PTCD3: variants seen among roughly 807,000 people sequenced by gnomAD.
PTCD3 encodes the protein pentatricopeptide repeat domain 3, also known as small ribosomal subunit protein mS39.
In PTCD3, 89 loss-of-function variants were observed where a neutral mutation model predicts 101.9. The observed-to-expected ratio is 0.87, with a 90% CI of 0.74 to 1.04. PTCD3 has a LOEUF of 1.04. Ranked by LOEUF, PTCD3 falls within the 50% of genes least tolerant of loss-of-function variation. PTCD3 has a pLI of 0.00. For missense variants in PTCD3, 870 were observed against 828.2 expected (o/e 1.05, Z -0.62); for synonymous variants, 296 against 278.5 (o/e 1.06, Z -0.63).
chr2:86,134,945 T>C lies in PTCD3; in HGVS notation c.1736T>C (p.Ile579Thr), dbSNP rs573746603. 2.5e-6 allele frequency: 4 copies of C among 1,614,156 alleles called. No homozygotes were observed. In the East Asian group the frequency reaches 6.7e-5, roughly 27 times the overall value. ...QDWPATSLNC[I>T]AILFLRAGRT... ...TGGCCAGCCACCTCTCTCAACTGTA[T>C]AGCTATCCTCTTTTTAAGGGCTGGG... Residue 579 changes from isoleucine (I) to threonine (T), a missense_variant, in exon 21 of 24, where the codon ATA becomes ACA. Transcript: ENST00000254630.
In PTCD3 at chr2:86,127,144, G is replaced by GT; in HGVS notation, c.952-11dup. On this transcript the variant is annotated splice_polypyrimidine_tract_variant and intron_variant, in intron 12 of 23. Transcript: ENST00000254630. The stretch of plus-strand genomic sequence containing the variant: ...TACCCAGGCATGAAAGATACTTCTT[G>GT]TTTTTTATTCACCTAGGAGCTGCTA... 1 of 1,595,746 alleles carries GT rather than the reference G, an allele frequency of 6.3e-7. No individual in the cohort carries two copies. The highest frequency in any genetic ancestry group is 8.5e-7 in the Non-Finnish European group (1 of 1,171,724).
At chr2:86,135,726 T>C (rs1674573180) in intron 21 of PTCD3, 1 of 326,948 alleles carries the variant, frequency 3.1e-6, no homozygotes. Flanking sequence ...GCTAGTCAGC[T>C]ATCTCCAGGA....
In PTCD3 at chr2:86,133,213, A is replaced by T; in HGVS notation, c.1409A>T (p.Gln470Leu). The change falls in exon 18 of 24, where the codon CAA becomes CTA. Residue 470 changes from glutamine (Q) to leucine (L), a missense_variant. Physicochemically the swap from Gln to Leu is moderately radical, Grantham distance 113 (BLOSUM62 -2). Transcript: ENST00000254630. ...TTCGATTTGATTTGTCTAATGGAAC[A>T]AATTGATGTTACCTTGAAGTGGTAT... ...KFFDLICLME[Q>L]IDVTLKWYED... 6.2e-7 allele frequency: 1 copy of T among 1,614,126 alleles called. No homozygotes were observed. Among genetic ancestry groups the T allele is most frequent in the Non-Finnish European group, 8.5e-7 (1 of 1,180,008 alleles).
At chr2:86,136,584 C>CT (rs1674588275) in intron 22 of PTCD3, 22 bp downstream of exon 22, 1 of 1,606,096 alleles carries the variant, frequency 6.2e-7, no homozygotes, top group Non-Finnish European at 8.5e-7. Flanking sequence ...TCAGCCAGCT[C>CT]TCTTTGGGTA....
intron 5 of PTCD3, 79 bp from the exon 6 acceptor site, chr2:86,116,976 G>T: frequency 3.0e-6 from 2 of 672,670 alleles, no homozygotes; most frequent in South Asian, 1.8e-5. Flanking sequence ...TGTGAGGGGG[G>T]AGAAATTCTT....
At chr2:86,110,902 A>C (rs1051405887) in intron 3 of PTCD3, 20 of 737,096 alleles carry the variant, frequency 2.7e-5, no homozygotes, top group Non-Finnish European at 5.0e-5. Flanking sequence ...CAGGCCAGAG[A>C]GGACAGGCAA....
At chr2:86,121,723 G>A (rs978713495) in intron 8 of PTCD3, 129 bp downstream of exon 8, 4 of 528,568 alleles carry the variant, frequency 7.6e-6, no homozygotes, top group Middle Eastern at 8.7e-4. Context: ...TGTGTGGTAC[G>A]ATAGCCTTGA....
intron 14 of PTCD3, among the ~76,000 whole-genome samples, chr2:86,130,386 GCTTC>G (rs1483533710): frequency 6.6e-6 from 1 of 152,184 alleles, no homozygotes; most frequent in Non-Finnish European, 1.5e-5. Context: ...AGTAAGTCAG[GCTTC>G]ATGTGAAGAG....
At chr2:86,108,716 G>C in intron 3 of PTCD3, 180 bp downstream of exon 3, 1 of 520,458 alleles carries the variant, frequency 1.9e-6, no homozygotes, top group Non-Finnish European at 3.4e-6. Context: ...GGAGAATAGT[G>C]AGTGAATGAG....
chr2:86,134,848 G>T lies in PTCD3; in HGVS notation c.1639G>T (p.Ala547Ser), dbSNP rs1674554483. 1.9e-6 allele frequency: 3 copies of T among 1,613,914 alleles called. No individual in the cohort carries two copies. Among genetic ancestry groups the T allele is most frequent in the Admixed American group, 1.7e-5 (1 of 59,980 alleles). Residue 547 changes from alanine to serine, a missense_variant, in exon 21 of 24, where the codon GCA becomes TCA. By Grantham distance (99) the Ala-to-Ser change is moderately conservative (BLOSUM62 1). Transcript: ENST00000254630. ...RDKHPPELQV[A>S]FADCAADIKS... is the part of the protein sequence containing the mutation. ...CTCCTAAGCTTCTCAGCTTCAGGTG[G>T]CATTTGCTGACTGTGCTGCTGATAT...
At chr2:86,107,810 T>A (rs1485273823) in intron 1 of PTCD3, among the ~76,000 whole-genome samples, 1 of 152,240 alleles carries the variant, frequency 6.6e-6, no homozygotes, top group Non-Finnish European at 1.5e-5. Flanking sequence ...GGGCAGTATC[T>A]GTATAGAAGC....
Position 86,108,381 on chromosome 2 carries a change from G to A in PTCD3, c.136G>A (p.Val46Ile), listed in dbSNP as rs759577066. 1.4e-5 allele frequency: 22 copies of A among 1,608,740 alleles called. No individual in the cohort carries two copies. Among genetic ancestry groups the A allele is most frequent in the African/African-American group, 5.4e-5 (4 of 74,560 alleles). The change falls in exon 2 of 24, where the codon GTT becomes ATT. Residue 46 changes from valine to isoleucine, a missense_variant. Coordinates refer to ENST00000254630, the MANE Select transcript of PTCD3 (RefSeq NM_017952.6). The part of the protein sequence containing the change: ...FYSGSATLSK[V>I]EGTDVTGIEE... Reference sequence around the variant, plus strand: ...TTCTGGTAGTGCAACCCTCTCAAAGGTTGAAGGAACTGATGTAACAGGTAT... The same window carrying A: ...TTCTGGTAGTGCAACCCTCTCAAAGATTGAAGGAACTGATGTAACAGGTAT...
chr2:86,123,729 G>C lies in PTCD3; in HGVS notation c.683G>C (p.Arg228Thr). 6.3e-7 allele frequency: 1 copy of C among 1,598,010 alleles called. No individual in the cohort carries two copies. Among genetic ancestry groups the C allele is most frequent in the East Asian group, 2.3e-5 (1 of 44,430 alleles). Residue 228 changes from arginine (R) to threonine (T), a missense_variant, in exon 9 of 24, where the codon AGG becomes ACG. Physicochemically the swap from Arg to Thr is moderately conservative, Grantham distance 71 (BLOSUM62 -1). Transcript: ENST00000254630. ...LEEENDETSRRKAGHQFGVTW... is the reference protein window; with the variant it reads ...LEEENDETSRTKAGHQFGVTW... ...GAGGAAAATGATGAGACATCTAGGA[G>C]GAAAGCTGGTCATCAGTTTGGAGTT...
In PTCD3 at chr2:86,126,058, G is replaced by A. The variant is rs182850494; in HGVS notation, c.951+178G>A. Among the ~76,000 whole-genome samples, 306 of 151,972 alleles carry A rather than the reference G, an allele frequency of 2.0e-3. 4 individuals carry two copies. The highest frequency in any genetic ancestry group is 2.7e-3 in the Admixed American group (41 of 15,260). On this transcript the variant is annotated intron_variant, in intron 12 of 23. Transcript: ENST00000254630. ...CAGCCTGGCCAACATGGTGAAACCC[G>A]TCTCTACTAAAAGTACAAACAATTA...
intron 15 of PTCD3, 30 bp downstream of exon 15, chr2:86,130,767 C>T: frequency 6.2e-7 from 1 of 1,609,426 alleles, no homozygotes; most frequent in Non-Finnish European, 8.5e-7. Flanking sequence ...GTGTTTTCCT[C>T]CTCTAAAGAC....
In PTCD3 at chr2:86,137,858, G is replaced by A. The variant is rs1674619007; in HGVS notation, c.*299G>A. On this transcript the variant is annotated 3_prime_UTR_variant, in exon 24 of 24. Transcript: ENST00000254630. ...TCATCAGGATAAGCCTGCACACCTA[G>A]AGTGTCGGTGAGCTGACCTCACGAT... is the stretch of plus-strand genomic sequence containing the variant. The A allele has an allele frequency of 3.1e-6, 1 of 320,480 alleles. No individual in the cohort carries two copies. The highest frequency in any genetic ancestry group is 2.9e-5 in the South Asian group (1 of 34,264). 19.9% of individuals were successfully genotyped at this position (320,480 alleles called of 1,614,324 possible).
intron 17 of PTCD3, 93 bp from the exon 18 acceptor site, chr2:86,133,085 G>A (rs1283190736): frequency 3.4e-6 from 5 of 1,479,024 alleles, no homozygotes; most frequent in Non-Finnish European, 3.6e-6. Context: ...GAAATTCTTT[G>A]TAACATATAA....
intron 20 of PTCD3, 119 bp downstream of exon 20, chr2:86,134,496 A>G: frequency 1.3e-6 from 1 of 787,288 alleles, no homozygotes; most frequent in South Asian, 1.7e-5. Flanking sequence ...TATTTGAGTG[A>G]TGATACATCT....
At chr2:86,112,214 G>C (rs1202509937) in intron 4 of PTCD3, 2 of 151,352 alleles carry the variant, frequency 1.3e-5, no homozygotes, top group Admixed American at 1.3e-4. Context: ...CCGCCGCCAC[G>C]CCTGGCTATT....
Sources: allele counts gnomAD v4.1 joint callset (sites outside exome capture counted in the v4.1 genomes callset), GRCh38; gene constraint gnomAD v4.1.1; transcripts MANE v1.5; gene names NCBI Gene and HGNC (gene_info 2026-07-23, HGNC 2026-07-21).